The following DNMT3A variants were observed in gnomAD, a reference collection of about 807,000 sequenced individuals.
DNMT3A encodes DNA (cytosine-5)-methyltransferase 3A.
Under a neutral mutation model 117.6 loss-of-function variants are expected in DNMT3A, and 267 were observed. The observed-to-expected ratio is 2.27, with a 90% CI of 2.05 to 2.51. DNMT3A has a LOEUF of 2.51. Among genes scored for constraint, DNMT3A ranks in the 30% most tolerant of loss-of-function variants. DNMT3A has a pLI of 0.00. For synonymous variants in DNMT3A, 432 were observed against 474.8 expected (o/e 0.91, Z 1.17); for missense variants, 1,029 against 1,260.2 (o/e 0.82, Z 2.78).
intron 6 of DNMT3A, among the ~76,000 whole-genome samples, chr2:25,272,757 G>T (rs1422405219): frequency 6.6e-6 from 1 of 150,724 alleles, no homozygotes; most frequent in African/African-American, 2.4e-5. Flanking sequence ...CAGAGGAAAA[G>T]AAAACAATCA....
Position 25,247,482 on chromosome 2 carries a change from AG to A in DNMT3A, c.1014+108del. On this transcript the variant is annotated intron_variant, in intron 8 of 22. Coordinates refer to ENST00000321117, the MANE Select transcript of DNMT3A (RefSeq NM_022552.5). The surrounding 1 kb of genome is among the most constrained non-coding windows in gnomAD (Gnocchi z 5.6). The stretch of plus-strand genomic sequence containing the variant: ...CACCACAGGCAGAGTAGGGGTGAGC[AG>A]AACCCACTTCCATCACCCCAATTCC... 2.7e-6 allele frequency: 4 copies of A among 1,492,028 alleles called. No individual in the cohort carries two copies. The highest frequency in any genetic ancestry group is 3.6e-4 in the Middle Eastern group (2 of 5,576). The allele number at this position is 1,492,028 out of a possible 1,614,324, so 92.4% of individuals were successfully genotyped here.
At position 25,234,505 on chromosome 2, in the gene DNMT3A, G is replaced by A. The variant is rs1440343800; in HGVS notation, c.2598-85C>T. On this transcript the variant is annotated intron_variant, in intron 22 of 22. Coordinates refer to ENST00000321117, the MANE Select transcript of DNMT3A (RefSeq NM_022552.5). The surrounding 1 kb of genome is among the most constrained non-coding windows in gnomAD (Gnocchi z 4.5). ...GCCGTCTAACCACACAGCAGGACCC[G>A]GAGGACCAGCAGCCACCCGAAGTGC... is the stretch of plus-strand genomic sequence containing the variant. The A allele has an allele frequency of 8.8e-6, 13 of 1,477,626 alleles. No homozygotes were observed. The highest frequency in any genetic ancestry group is 6.7e-5 in the Admixed American group (3 of 44,822). The allele number at this position is 1,477,626 out of a possible 1,614,324, so 91.5% of individuals were successfully genotyped here.
In DNMT3A at chr2:25,282,537, C is replaced by A. The variant is rs1416269081; in HGVS notation, c.352G>T (p.Gly118Ter). The A allele has an allele frequency of 6.2e-7, 1 of 1,613,460 alleles. No individual in the cohort carries two copies. Among genetic ancestry groups the A allele is most frequent in the Admixed American group, 1.7e-5 (1 of 60,018 alleles). The change falls in exon 4 of 23, where the codon GGA becomes TGA. Residue 118 changes from glycine (G) to a stop codon, truncating the protein, a stop_gained. Transcript: ENST00000321117. LOFTEE classifies it high-confidence loss of function. This position sits in a 1 kb window ranked among gnomAD's most constrained non-coding sequence, Gnocchi z 5.2. ...GGCAGGGTCTCAGCTGCACCCTCTC[C>A]CTCTGCTGGGGCCCCGCCCTTCTGC... The part of the protein sequence containing the change: ...GGQKGGAPAE[G>*]EGAAETLPEA...
In DNMT3A at chr2:25,304,669, T is replaced by G. The variant is rs1052349878; in HGVS notation, c.73-4426A>C. 1.3e-5 allele frequency among the ~76,000 whole-genome samples: 2 copies of G among 152,204 alleles called. No individual in the cohort carries two copies. Among genetic ancestry groups the G allele is most frequent in the African/African-American group, 2.4e-5 (1 of 41,456 alleles). ...GGGGGCCAGGAGGATCCAGCCAAGC[T>G]CCTCAGCTCATGTGCAGGGCGGTCC... On this transcript the variant is annotated intron_variant, in intron 2 of 22. Transcript: ENST00000321117. This position sits in a 1 kb window ranked among gnomAD's most constrained non-coding sequence, Gnocchi z 4.3.
intron 2 of DNMT3A, among the ~76,000 whole-genome samples, chr2:25,301,833 G>A (rs921884509): frequency 6.6e-6 from 1 of 152,222 alleles, no homozygotes; most frequent in Admixed American, 6.5e-5. Context: ...CAGCACAGAG[G>A]TAGAAGAGGG....
In DNMT3A at chr2:25,245,195, G is replaced by T. The variant is rs367617116; in HGVS notation, c.1554+58C>A. ...TGCCCAGAAGCGGTGGACACAGTCA[G>T]CCAGAAGGCCGAAGGGCCGGCCTCA... On this transcript the variant is annotated intron_variant, in intron 13 of 22. Transcript: ENST00000321117. 1.3e-4 allele frequency: 199 copies of T among 1,542,034 alleles called. 1 individual carries two copies. The highest frequency in any genetic ancestry group is 1.7e-4 in the Non-Finnish European group (186 of 1,119,700).
Position 25,231,061 on chromosome 2 carries a change from C to G in DNMT3A, c.*3218G>C, listed in dbSNP as rs1672850532. On this transcript the variant is annotated 3_prime_UTR_variant, in exon 23 of 23. Coordinates refer to ENST00000321117, the MANE Select transcript of DNMT3A (RefSeq NM_022552.5). ...GTGGAGCTTGGGCCGCTGGGAAAGG[C>G]TAACTGTCACTAAGCAGTGGCTTGG... The G allele has an allele frequency of 6.6e-6, 1 of 151,900 alleles. No individual in the cohort carries two copies. Among genetic ancestry groups the G allele is most frequent in the Non-Finnish European group, 1.5e-5 (1 of 67,852 alleles). The allele number at this position is 151,900 out of a possible 1,614,324, so 9.4% of individuals were successfully genotyped here.
At chr2:25,318,703 T>A (rs1205497312) in intron 1 of DNMT3A, among the ~76,000 whole-genome samples, 1 of 148,602 alleles carries the variant, frequency 6.7e-6, no homozygotes, top group Non-Finnish European at 1.5e-5. Context: ...CTTTTCTTTT[T>A]TTTTTTTTTT....
intron 1 of DNMT3A, among the ~76,000 whole-genome samples, chr2:25,324,533 A>G (rs2034716407): frequency 1.3e-5 from 2 of 152,190 alleles, no homozygotes; most frequent in African/African-American, 4.8e-5. Flanking sequence ...CCCATGGCTA[A>G]ATTTCCTATT....
At chr2:25,329,501 C>G (rs1420590043) in intron 1 of DNMT3A, among the ~76,000 whole-genome samples, 3 of 152,150 alleles carry the variant, frequency 2.0e-5, no homozygotes, top group Non-Finnish European at 4.4e-5. Context: ...GACCACACTT[C>G]AGAGTGGCTT....
rs3039391 is a variant in DNMT3A at position 25,300,712 on chromosome 2, AATATATATATATATATATAT to A, written c.73-489_73-470del. ...ATATATTTATATATCTAAATAATAT[AATATATATATATATATATAT>A]ATATATATATATATATATATATATA... On this transcript the variant is annotated intron_variant, in intron 2 of 22. Coordinates refer to ENST00000321117, the MANE Select transcript of DNMT3A (RefSeq NM_022552.5). 1.7e-3 allele frequency among the ~76,000 whole-genome samples: 33 copies of A among 18,922 alleles called. 1 individual carries two copies. The highest frequency in any genetic ancestry group is 0.013 in the East Asian group (4 of 308). The allele number at this position is 18,922 out of a possible 152,430, so 12.4% of individuals were successfully genotyped here.
chr2:25,240,157 A>G (rs1306738491), intron 19 of DNMT3A, 145 bp downstream of exon 19: 1 of 1,197,900 alleles, frequency 8.3e-7, no homozygotes, highest in East Asian at 2.4e-5. Context: ...CTTTCTATCC[A>G]GGAAGCCTGG....
intron 22 of DNMT3A, among the ~76,000 whole-genome samples, chr2:25,235,184 CTT>C (rs775705977): frequency 1.4e-5 from 2 of 144,508 alleles, no homozygotes; most frequent in Non-Finnish European, 1.5e-5. Context: ...CTAGACTCCT[CTT>C]TTTTTTTTTT....
Position 25,252,114 on chromosome 2 carries a change from C to G in DNMT3A, c.640-3862G>C. On this transcript the variant is annotated intron_variant, in intron 6 of 22. Coordinates refer to ENST00000321117, the MANE Select transcript of DNMT3A (RefSeq NM_022552.5). This position sits in a 1 kb window ranked among gnomAD's most constrained non-coding sequence, Gnocchi z 5.5. Reference sequence around the variant, plus strand: ...AGGCATACTTCACTCTTTTCAAACCCGGAGGGCTGCGGAGATCCTCCCACC... The same window carrying G: ...AGGCATACTTCACTCTTTTCAAACCGGGAGGGCTGCGGAGATCCTCCCACC... 6.6e-7 allele frequency: 1 copy of G among 1,521,280 alleles called. No individual in the cohort carries two copies. The allele number at this position is 1,521,280 out of a possible 1,614,324, so 94.2% of individuals were successfully genotyped here. A position where few individuals can be genotyped will look rare whatever the true frequency, so the allele number is the denominator to read the frequency against.
intron 1 of DNMT3A, among the ~76,000 whole-genome samples, chr2:25,315,706 T>C (rs2034346314): frequency 6.6e-6 from 1 of 152,060 alleles, no homozygotes; most frequent in African/African-American, 2.4e-5. Context: ...TCTCTGACAC[T>C]AAAGTTCTGA....
At position 25,235,722 on chromosome 2, in the gene DNMT3A, CACCAT is replaced by C; in HGVS notation, c.2577_2581del (p.Trp860HisfsTer2). The C allele has an allele frequency of 6.2e-7, 1 of 1,613,856 alleles. No individual in the cohort carries two copies. Among genetic ancestry groups the C allele is most frequent in the Non-Finnish European group, 8.5e-7 (1 of 1,179,832 alleles). On this transcript the variant is annotated frameshift_variant, in exon 22 of 23. Transcript: ENST00000321117. LOFTEE classifies it high-confidence loss of function. ...ACCCGGGTACCTTTCCATTTCAGTG[CACCAT>C]AAGATGTCCTCTTTCTCATTCATGA...
intron 1 of DNMT3A, among the ~76,000 whole-genome samples, chr2:25,334,962 G>A (rs555819956): frequency 2.0e-4 from 31 of 152,242 alleles, no homozygotes; most frequent in South Asian, 1.4e-3. Flanking sequence ...AGTAACTCAA[G>A]TTCATTTACA....
chr2:25,284,949 G>A (rs1392472139), intron 3 of DNMT3A, among the ~76,000 whole-genome samples: 1 of 152,148 alleles, frequency 6.6e-6, no homozygotes, highest in African/African-American at 2.4e-5. Context: ...AGCAGAGTGG[G>A]CATCCCTCCA....
At position 25,294,501 on chromosome 2, in the gene DNMT3A, G is replaced by A. The variant is rs968014403; in HGVS notation, c.177+5638C>T. ...GCTGCAGCCCAGGAGTGGGAGACAC[G>A]ATGTCAGGAAGTTATATGCATAAAA... is the stretch of plus-strand genomic sequence containing the variant. On this transcript the variant is annotated intron_variant, in intron 3 of 22. Coordinates refer to ENST00000321117, the MANE Select transcript of DNMT3A (RefSeq NM_022552.5). The surrounding 1 kb of genome is among the most constrained non-coding windows in gnomAD (Gnocchi z 4.7). 2.0e-5 allele frequency among the ~76,000 whole-genome samples: 3 copies of A among 152,122 alleles called. No homozygotes were observed. Among genetic ancestry groups the A allele is most frequent in the Non-Finnish European group, 2.9e-5 (2 of 68,014 alleles).
Sources: gnomAD v4.1 joint callset for allele counts (sites outside exome capture counted in the v4.1 genomes callset) on GRCh38, gnomAD v4.1.1 for gene constraint, Gnocchi (gnomAD v3.1) non-coding constraint, MANE v1.5 for transcripts, NCBI Gene and HGNC (gene_info 2026-07-23, HGNC 2026-07-21) for gene names.